Variants in CECR2 observed in about 807,000 individuals in gnomAD.
CECR2 encodes the protein CECR2 histone acetyl-lysine reader.
CECR2 carries 30 observed loss-of-function variants against 154.5 expected under a neutral mutation model. The observed-to-expected ratio is 0.19, with a 90% CI of 0.15 to 0.26. The LOEUF (loss-of-function observed/expected upper bound fraction) is 0.26. Ranked by LOEUF, CECR2 falls within the 10% of genes least tolerant of loss-of-function variation. The probability of loss-of-function intolerance (pLI) is 1.00; values close to 1 mark genes in which losing one functional copy is unlikely to be tolerated. For synonymous variants in CECR2, 725 were observed against 683.7 expected (o/e 1.06, Z -0.94); for missense variants, 1,743 against 1,829.3 (o/e 0.95, Z 0.86).
intron 1 of CECR2, among the ~76,000 whole-genome samples, chr22:17,438,453 A>G (rs1210428257): frequency 2.0e-5 from 3 of 152,198 alleles, no homozygotes; most frequent in East Asian, 1.9e-4. Flanking sequence ...GTTCCTGTAT[A>G]TGGAGTCTCT....
chr22:17,435,046 GT>G (rs1405419411), intron 1 of CECR2, among the ~76,000 whole-genome samples: 2 of 152,170 alleles, frequency 1.3e-5, no homozygotes, highest in Non-Finnish European at 2.9e-5. Flanking sequence ...CGGATGTGCA[GT>G]TAATGAGTTG....
chr22:17,510,876 A>G (rs920671435), intron 7 of CECR2, among the ~76,000 whole-genome samples: 3 of 152,164 alleles, frequency 2.0e-5, no homozygotes, highest in African/African-American at 7.2e-5. Context: ...AAGTGCTGGG[A>G]TTACAGGCGT....
chr22:17,417,241 C>A (rs2054170050), intron 1 of CECR2, among the ~76,000 whole-genome samples: 1 of 152,172 alleles, frequency 6.6e-6, no homozygotes, highest in Non-Finnish European at 1.5e-5. Context: ...TTGAGTGGCA[C>A]TATCTTTATA....
chr22:17,399,199 C>T lies in CECR2; in HGVS notation c.126+29290C>T, dbSNP rs565451058. ...ATAGTAAAAGGCTCAGGAGGTGGGACGCCAGATGCCCATCCTGGCTTTAGC... is the reference window on the plus strand; with the variant it reads ...ATAGTAAAAGGCTCAGGAGGTGGGATGCCAGATGCCCATCCTGGCTTTAGC... On this transcript the variant is annotated intron_variant, in intron 1 of 18. Transcript: ENST00000262608. Among the ~76,000 whole-genome samples the T allele has an allele frequency of 2.0e-5, 3 of 152,254 alleles. No individual in the cohort carries two copies. In the East Asian group the frequency reaches 5.8e-4, roughly 29 times the overall value.
chr22:17,401,093 T>C (rs916349242), intron 1 of CECR2, among the ~76,000 whole-genome samples: 1 of 151,810 alleles, frequency 6.6e-6, no homozygotes, highest in Non-Finnish European at 1.5e-5. Context: ...TCTTGCAGGA[T>C]TTTCTAAAGA....
chr22:17,524,624 C>T (rs1197518088), intron 9 of CECR2, among the ~76,000 whole-genome samples: 1 of 138,690 alleles, frequency 7.2e-6, no homozygotes, highest in African/African-American at 2.8e-5. Context: ...GATATCTTGA[C>T]CTCGTAATCT....
rs373431631 is a variant in CECR2, at chr22:17,404,436, G to C, written c.126+34527G>C. Among the ~76,000 whole-genome samples, 51 of 115,374 alleles carry C rather than the reference G, an allele frequency of 4.4e-4. 1 individual carries two copies. Among genetic ancestry groups the C allele is most frequent in the African/African-American group, 1.6e-3 (47 of 28,626 alleles). The allele number at this position is 115,374 out of a possible 152,430, so 75.7% of individuals were successfully genotyped here. ...TCGCCCAGGCTGGAGTGCAGTGGCG[G>C]GATCTCGGCTCACTGCAAGCTCCGC... On this transcript the variant is annotated intron_variant, in intron 1 of 18. Coordinates refer to ENST00000262608, the MANE Select transcript of CECR2 (RefSeq NM_001290047.2).
chr22:17,399,838 A>G (rs1178407815), intron 1 of CECR2, among the ~76,000 whole-genome samples: 7 of 152,214 alleles, frequency 4.6e-5, no homozygotes, highest in African/African-American at 1.7e-4. Context: ...AACTTTCAGT[A>G]TTTGAATTTA....
intron 5 of CECR2, among the ~76,000 whole-genome samples, chr22:17,502,342 C>T (rs144279123): frequency 1.2e-3 from 178 of 152,298 alleles, no homozygotes; most frequent in African/African-American, 4.1e-3. Context: ...GTCTTCAGTG[C>T]GGCCCTGAAT....
At chr22:17,487,891 T>A (rs2055451844) in intron 2 of CECR2, among the ~76,000 whole-genome samples, 1 of 149,080 alleles carries the variant, frequency 6.7e-6, no homozygotes, top group Non-Finnish European at 1.5e-5. Context: ...TTTATTTATT[T>A]ATTTATTTTG....
At chr22:17,549,996 A>T (rs959034697) in intron 17 of CECR2, among the ~76,000 whole-genome samples, 4 of 151,764 alleles carry the variant, frequency 2.6e-5, no homozygotes, top group African/African-American at 9.7e-5. Flanking sequence ...GGAACAAAAA[A>T]AATATGTGAA....
At chr22:17,404,086 C>T (rs978818985) in intron 1 of CECR2, among the ~76,000 whole-genome samples, 4 of 151,602 alleles carry the variant, frequency 2.6e-5, no homozygotes, top group African/African-American at 4.8e-5. Context: ...GGTGAAACCC[C>T]GTCTCTGCTA....
chr22:17,446,110 C>T (rs1379293469), intron 1 of CECR2, among the ~76,000 whole-genome samples: 1 of 152,108 alleles, frequency 6.6e-6, no homozygotes, highest in African/African-American at 2.4e-5. Flanking sequence ...TACCTCACTC[C>T]AGACCTAGAT....
intron 2 of CECR2, among the ~76,000 whole-genome samples, chr22:17,482,221 G>A (rs1213876590): frequency 2.1e-5 from 3 of 145,958 alleles, no homozygotes; most frequent in African/African-American, 7.6e-5. Flanking sequence ...TCAGAAGATC[G>A]AGACCATCCT....
chr22:17,438,752 G>A (rs1470993926), intron 1 of CECR2, among the ~76,000 whole-genome samples: 1 of 151,932 alleles, frequency 6.6e-6, no homozygotes, highest in African/African-American at 2.4e-5. Context: ...CCTGTCATAA[G>A]GTATGTCATT....
chr22:17,424,610 A>G (rs1449460313), intron 1 of CECR2: 1 of 161,468 alleles, frequency 6.2e-6, no homozygotes, highest in Non-Finnish European at 1.5e-5. Context: ...GCCCACACTC[A>G]TGGCTGTTCA....
chr22:17,512,092 C>T (rs902597189), intron 8 of CECR2, among the ~76,000 whole-genome samples, 196 bp downstream of exon 8: 3 of 152,200 alleles, frequency 2.0e-5, no homozygotes, highest in African/African-American at 7.2e-5. Flanking sequence ...CACTCTGGTT[C>T]TGACAATCTC....
intron 1 of CECR2, among the ~76,000 whole-genome samples, chr22:17,393,722 G>T (rs1424317303): frequency 6.6e-6 from 1 of 152,056 alleles, no homozygotes; most frequent in Admixed American, 6.6e-5. Context: ...TTCTCCACCT[G>T]GTCTTGATTT....
At chr22:17,386,491 C>T (rs1338290295) in intron 1 of CECR2, among the ~76,000 whole-genome samples, 1 of 152,156 alleles carries the variant, frequency 6.6e-6, no homozygotes, top group African/African-American at 2.4e-5. Flanking sequence ...CAGCCTGTTT[C>T]CAAACTCTGC....
Sources: gnomAD v4.1 joint callset for allele counts (sites outside exome capture counted in the v4.1 genomes callset) on GRCh38, gnomAD v4.1.1 for gene constraint, MANE v1.5 for transcripts, NCBI Gene and HGNC (gene_info 2026-07-23, HGNC 2026-07-21) for gene names.